Variants in DGKB observed in about 807,000 individuals in gnomAD.
DGKB encodes the protein 90 kDa diacylglycerol kinase.
Under a neutral mutation model 114.3 loss-of-function variants are expected in DGKB, and 67 were observed. The observed-to-expected ratio is 0.59, with a 90% confidence interval of 0.48 to 0.72. The LOEUF (loss-of-function observed/expected upper bound fraction) is 0.72, where lower values mean the gene tolerates loss of function less well. Among genes scored for constraint, DGKB ranks in the 30% least tolerant of loss-of-function variants. The probability of loss-of-function intolerance (pLI) is 0.00; values close to 1 mark genes in which losing one functional copy is unlikely to be tolerated. For synonymous variants in DGKB, 398 were observed against 323.1 expected (o/e 1.23, Z -2.49); for missense variants, 907 against 975.2 (o/e 0.93, Z 0.93).
intron 13 of DGKB, among the ~76,000 whole-genome samples, chr7:14,649,971 T>C (rs1213769738): frequency 2.7e-5 from 4 of 149,100 alleles, no homozygotes; most frequent in Admixed American, 6.7e-5. Flanking sequence ...ATGCACCCAA[T>C]ACAGGAGCAC....
At chr7:14,480,302 G>GA (rs1045528929) in intron 20 of DGKB, among the ~76,000 whole-genome samples, 14 of 152,114 alleles carry the variant, frequency 9.2e-5, no homozygotes, top group Non-Finnish European at 1.6e-4. Flanking sequence ...GTTAAGAGGG[G>GA]AAAAAATAAA....
intron 23 of DGKB, among the ~76,000 whole-genome samples, chr7:14,261,965 G>A (rs912052898): frequency 1.3e-5 from 2 of 152,154 alleles, no homozygotes; most frequent in Non-Finnish European, 2.9e-5. Flanking sequence ...ATGATAATAC[G>A]ATTATGCATA....
At chr7:14,543,663 T>G (rs1285789319) in intron 20 of DGKB, among the ~76,000 whole-genome samples, 1 of 152,128 alleles carries the variant, frequency 6.6e-6, no homozygotes, top group Non-Finnish European at 1.5e-5. Flanking sequence ...ATAATTAAAT[T>G]AAAAACTATT....
intron 20 of DGKB, among the ~76,000 whole-genome samples, chr7:14,572,570 G>A (rs568748965): frequency 6.6e-6 from 1 of 151,990 alleles, no homozygotes; most frequent in South Asian, 2.1e-4. Flanking sequence ...AAATTCTGGA[G>A]TTAAAAAGTC....
At chr7:14,501,990 T>C (rs1358553492) in intron 20 of DGKB, among the ~76,000 whole-genome samples, 1 of 151,888 alleles carries the variant, frequency 6.6e-6, no homozygotes. Flanking sequence ...GATTGCAATA[T>C]ATTTTTGGGT....
At chr7:14,161,419 C>A (rs900777970) in intron 25 of DGKB, among the ~76,000 whole-genome samples, 1 of 152,098 alleles carries the variant, frequency 6.6e-6, no homozygotes, top group African/African-American at 2.4e-5. Context: ...AACACACATG[C>A]CCGTCAATGA....
intron 20 of DGKB, among the ~76,000 whole-genome samples, chr7:14,540,862 A>C (rs1793309183): frequency 6.6e-6 from 1 of 152,152 alleles, no homozygotes; most frequent in Non-Finnish European, 1.5e-5. Flanking sequence ...TCTGAGACAA[A>C]CTGATCAACA....
At chr7:14,162,932 C>T (rs1321340329) in intron 25 of DGKB, among the ~76,000 whole-genome samples, 1 of 152,126 alleles carries the variant, frequency 6.6e-6, no homozygotes, top group Non-Finnish European at 1.5e-5. Context: ...TCGATTTGTG[C>T]ACATTATGGT....
At chr7:14,316,034 T>C (rs1221646176) in intron 23 of DGKB, among the ~76,000 whole-genome samples, 2,210 of 142,726 alleles carry the variant, frequency 0.015, 42 homozygotes, top group African/African-American at 0.05. Context: ...TGAATGACTG[T>C]TGGGTACATA....
At position 14,952,960 on chromosome 7, in the gene DGKB, G is replaced by A. The variant is rs139248199; in HGVS notation, c.-188+21736C>T. Among the ~76,000 whole-genome samples, 3 of 152,016 alleles carry A rather than the reference G, an allele frequency of 2.0e-5. No homozygotes were observed. The East Asian group carries it at 5.8e-4, about 29-fold the overall frequency. On this transcript the variant is annotated intron_variant, in intron 1 of 4. Transcript: ENST00000437998. ...AACAGTGAAAAAACAATTCAGTGGGGGAAATACGGTCATTTCAACAAATGG... is the reference window on the plus strand; with the variant it reads ...AACAGTGAAAAAACAATTCAGTGGGAGAAATACGGTCATTTCAACAAATGG...
At chr7:14,695,364 G>A (rs540272738) in intron 8 of DGKB, among the ~76,000 whole-genome samples, 1 of 151,720 alleles carries the variant, frequency 6.6e-6, no homozygotes, top group African/African-American at 2.4e-5. Context: ...AATCCCATGG[G>A]CCTCATAAAA....
chr7:14,162,246 T>TCTAA (rs1784008726), intron 25 of DGKB, among the ~76,000 whole-genome samples: 3 of 152,164 alleles, frequency 2.0e-5, no homozygotes, highest in Admixed American at 6.6e-5. Flanking sequence ...CAGAAAGATT[T>TCTAA]CTAACTGCTA....
intron 2 of DGKB, among the ~76,000 whole-genome samples, chr7:14,799,545 G>C (rs117653978): frequency 2.0e-5 from 3 of 152,324 alleles, no homozygotes; most frequent in South Asian, 4.1e-4. Flanking sequence ...TAGAGCTCCA[G>C]TGGTGTGGGG....
chr7:14,180,010 C>G (rs1329818824), intron 23 of DGKB, among the ~76,000 whole-genome samples: 1 of 152,080 alleles, frequency 6.6e-6, no homozygotes, highest in African/African-American at 2.4e-5. Flanking sequence ...GGCTCTATAG[C>G]CTGGGTGTTA....
At chr7:14,247,826 T>C (rs2128383375) in intron 23 of DGKB, among the ~76,000 whole-genome samples, 1 of 152,262 alleles carries the variant, frequency 6.6e-6, no homozygotes, top group South Asian at 2.1e-4. Flanking sequence ...TTATTTCTTT[T>C]GCTGTGCAGA....
chr7:14,167,670 G>C (rs957100034), intron 25 of DGKB, among the ~76,000 whole-genome samples: 7 of 152,124 alleles, frequency 4.6e-5, no homozygotes, highest in Admixed American at 3.9e-4. Flanking sequence ...CAAGTTTTCA[G>C]ACAGGCATAT....
intron 23 of DGKB, among the ~76,000 whole-genome samples, chr7:14,208,676 A>G (rs763297990): frequency 6.6e-6 from 1 of 152,030 alleles, no homozygotes; most frequent in Non-Finnish European, 1.5e-5. Context: ...CAGTTAAAGG[A>G]ACCGGCTTTA....
At chr7:14,563,197 G>C (rs1239032254) in intron 20 of DGKB, among the ~76,000 whole-genome samples, 2 of 152,178 alleles carry the variant, frequency 1.3e-5, no homozygotes, top group African/African-American at 4.8e-5. Context: ...CCAGCCATGT[G>C]AAACTGTGAG....
Position 14,612,116 on chromosome 7 carries a change from CAT to C in DGKB, c.1358+1222_1358+1223del, listed in dbSNP as rs1805652964. Among the ~76,000 whole-genome samples, 3 of 146,914 alleles carry C rather than the reference CAT, an allele frequency of 2.0e-5. No homozygotes were observed. In the South Asian group the frequency reaches 6.7e-4, roughly 33 times the overall value. ...TTCTATCATGTTTAGAGGAGTAAAA[CAT>C]AACTATATACTGATGAAAAGAAAAA... On this transcript the variant is annotated intron_variant, in intron 16 of 25. Transcript: ENST00000402815.
Sources: gnomAD v4.1 joint callset for allele counts (sites outside exome capture counted in the v4.1 genomes callset) on GRCh38, gnomAD v4.1.1 for gene constraint, MANE v1.5 for transcripts, NCBI Gene and HGNC (gene_info 2026-07-23, HGNC 2026-07-21) for gene names.